Variants in DVL1 observed in about 807,000 individuals in gnomAD.
DVL1 encodes dishevelled segment polarity protein 1.
A neutral mutation model predicts 65.0 loss-of-function variants in DVL1; 49 were observed. The observed-to-expected ratio is 0.75, with a 90% CI of 0.60 to 0.96. The LOEUF (loss-of-function observed/expected upper bound fraction) is 0.96, where lower values mean the gene tolerates loss of function less well. DVL1 is among the 40% of genes least tolerant of loss of function. The probability of loss-of-function intolerance (pLI) is 0.00; values close to 1 mark genes in which losing one functional copy is unlikely to be tolerated. For missense variants in DVL1, 1,197 were observed against 1,045.4 expected, an observed-to-expected ratio of 1.15 and a Z score of -2.00; for synonymous variants, 608 against 433.9, an observed-to-expected ratio of 1.40 and a Z score of -4.99.
chr1:1,337,240 G>A (rs1488277793), intron 14 of DVL1, among the ~76,000 whole-genome samples: 5 of 152,232 alleles, frequency 3.3e-5, no homozygotes, highest in East Asian at 1.9e-4. Context: ...CCCTCTGGCC[G>A]CCTCTCCTCT....
Position 1,335,986 on chromosome 1 carries a change from G to A in DVL1, c.*156C>T. The A allele has an allele frequency of 9.9e-7, 1 of 1,007,216 alleles. No homozygotes were observed. The highest frequency in any genetic ancestry group is 2.8e-4 in the Middle Eastern group (1 of 3,556). The allele number at this position is 1,007,216 out of a possible 1,614,324, so 62.4% of individuals were successfully genotyped here. A position where few individuals can be genotyped will look rare whatever the true frequency, so the allele number is the denominator to read the frequency against. ...TCAGACACAGGTGCTGTCAGGAGCT[G>A]GAGCAGCCAGGCTGCCAGGGCAGAT... On this transcript the variant is annotated 3_prime_UTR_variant, in exon 15 of 15. Transcript: ENST00000378888.
At position 1,336,394 on chromosome 1, in the gene DVL1, C is replaced by A. The variant is rs997739969; in HGVS notation, c.1836G>T (p.Val612=). ...SESDHTAPSG[V]GSSWRERPAG... ...CCGGACGCTCTCGCCAGCTGCTCCC[C>A]ACCCCACTCGGTGCCGTGTGATCCG... Residue 612 remains valine, a synonymous_variant, in exon 15 of 15, where the codon GTG becomes GTT. Transcript: ENST00000378888. 2 of 1,599,232 alleles carry A rather than the reference C, an allele frequency of 1.3e-6. No individual in the cohort carries two copies. Among genetic ancestry groups the A allele is most frequent in the Non-Finnish European group, 1.7e-6 (2 of 1,178,542 alleles).
In DVL1 at chr1:1,337,969, G is replaced by C. The variant is rs370632814; in HGVS notation, c.1714+8C>G. On this transcript the variant is annotated splice_region_variant and intron_variant, in intron 14 of 14. Coordinates refer to ENST00000378888, the MANE Select transcript of DVL1 (RefSeq NM_001330311.2). The stretch of plus-strand genomic sequence containing the variant: ...CCGGGGAAGGGCAGGTAGGGGCGGC[G>C]TTCTCACCTTCACTCTGCTGACTCC... The C allele has an allele frequency of 1.1e-4, 180 of 1,609,904 alleles. 1 individual carries two copies. The African/African-American group carries it at 1.9e-3, about 17-fold the overall frequency.
In DVL1 at chr1:1,341,700, A is replaced by G; in HGVS notation, c.572T>C (p.Phe191Ser). Residue 191 changes from phenylalanine to serine, a missense_variant, in exon 5 of 15, where the codon TTT (phenylalanine) becomes TCT (serine). Phe to Ser is a radical substitution (Grantham distance 155). Coordinates refer to ENST00000378888, the MANE Select transcript of DVL1 (RefSeq NM_001330311.2). ...ALSSELESSS[F>S]VDSDEDGSTS... ...GCTGCCATCCTCGTCCGAGTCCACAAAGCTGCTGGACTCAAGCTCGCTGCT... is the reference window on the plus strand; with the variant it reads ...GCTGCCATCCTCGTCCGAGTCCACAGAGCTGCTGGACTCAAGCTCGCTGCT... 6.2e-7 allele frequency: 1 copy of G among 1,610,794 alleles called. No individual in the cohort carries two copies. The highest frequency in any genetic ancestry group is 8.5e-7 in the Non-Finnish European group (1 of 1,178,216).
chr1:1,348,999 C>T lies in DVL1; in HGVS notation c.67G>A (p.Val23Met). ...EETPYLVKLP[V>M]APERVTLADF... Reference sequence around the variant, plus strand: ...GCCAGCGTGACGCGCTCGGGGGCCACGGGCAGCTTGACCAGGTACGGCGTC... The same window carrying T: ...GCCAGCGTGACGCGCTCGGGGGCCATGGGCAGCTTGACCAGGTACGGCGTC... The change falls in exon 1 of 15, where the codon GTG becomes ATG. Residue 23 changes from valine (V) to methionine (M), a missense_variant. Physicochemically the swap from Val to Met is conservative, Grantham distance 21. Transcript: ENST00000378888. 1 of 1,576,826 alleles carries T rather than the reference C, an allele frequency of 6.3e-7. No individual in the cohort carries two copies. Among genetic ancestry groups the T allele is most frequent in the East Asian group, 2.4e-5 (1 of 41,156 alleles).
rs1250264130 is a variant in DVL1, at chr1:1,340,106, C to T, written c.841G>A (p.Gly281Ser). Reference protein sequence around the residue: ...NDRGDGGIYIGSIMKGGAVAA... With the variant: ...NDRGDGGIYISSIMKGGAVAA... ...ACAGCCCCGCCCTTCATGATGGAGC[C>T]AATGTAGATGCCGCCGTCTCCACGG... Residue 281 changes from glycine to serine, a missense_variant, in exon 8 of 15, where the codon GGC (glycine) becomes AGC (serine). Coordinates refer to ENST00000378888, the MANE Select transcript of DVL1 (RefSeq NM_001330311.2). 1.9e-6 allele frequency: 3 copies of T among 1,613,372 alleles called. No individual in the cohort carries two copies. The African/African-American group carries it at 4.0e-5, about 22-fold the overall frequency.
At chr1:1,348,619 C>T (rs2100779653) in intron 1 of DVL1, among the ~76,000 whole-genome samples, 1 of 152,288 alleles carries the variant, frequency 6.6e-6, no homozygotes, top group Non-Finnish European at 1.5e-5. Flanking sequence ...AGCGATGCGG[C>T]CGACCGAGTC....
intron 1 of DVL1, among the ~76,000 whole-genome samples, chr1:1,348,297 G>A (rs1401264172): frequency 6.6e-6 from 1 of 152,176 alleles, no homozygotes; most frequent in African/African-American, 2.4e-5. Flanking sequence ...GCTGCTCCGG[G>A]AACGCAAGTG....
At position 1,348,907 on chromosome 1, in the gene DVL1, G is replaced by C. The variant is rs764979748; in HGVS notation, c.159C>G (p.Asp53Glu). The change falls in exon 1 of 15, where the codon GAC becomes GAG. Residue 53 changes from aspartate to glutamate, a missense_variant. Transcript: ENST00000378888. ...CGCGGCCGACTGACCCGAAGTCCTG[G>C]TCCATGGACTTAAAGAAGAATTTGT... ...HAYKFFFKSM[D>E]QDFGVVKEEI... The C allele has an allele frequency of 3.8e-6, 6 of 1,564,106 alleles. No individual in the cohort carries two copies. In the Admixed American group the frequency reaches 5.2e-5, roughly 14 times the overall value.
In DVL1 at chr1:1,340,320, T is replaced by C. The variant is rs570735296; in HGVS notation, c.700-4A>G. ...TTATGCTGCTGAAGGAGGAGGCCTA[T>C]GGAGGAGAGGGGGCGTGTGTAAAAG... On this transcript the variant is annotated splice_region_variant and splice_polypyrimidine_tract_variant and intron_variant, in intron 6 of 14. Transcript: ENST00000378888. 1.2e-6 allele frequency: 2 copies of C among 1,613,914 alleles called. No homozygotes were observed. The highest frequency in any genetic ancestry group is 2.2e-5 in the East Asian group (1 of 44,870).
At position 1,349,213 on chromosome 1, in the gene DVL1, C is replaced by T; in HGVS notation, c.-148G>A. The stretch of plus-strand genomic sequence containing the variant: ...AGGCCCCCGGGCGCCCCCGCCCGAC[C>T]GCCCAGGCCCCGGCCGCCGCCCCCG... On this transcript the variant is annotated 5_prime_UTR_variant, in exon 1 of 15. Transcript: ENST00000378888. The surrounding 1 kb of genome is among the most constrained non-coding windows in gnomAD (Gnocchi z 4.1). The T allele has an allele frequency of 3.0e-6, 1 of 337,040 alleles. No individual in the cohort carries two copies. The highest frequency in any genetic ancestry group is 4.2e-6 in the Non-Finnish European group (1 of 240,446). 20.9% of individuals were successfully genotyped at this position (337,040 alleles called of 1,614,324 possible). A position where few individuals can be genotyped will look rare whatever the true frequency, so the allele number is the denominator to read the frequency against.
chr1:1,336,076 C>G lies in DVL1; in HGVS notation c.*66G>C. 1 of 1,531,356 alleles carries G rather than the reference C, an allele frequency of 6.5e-7. No homozygotes were observed. The highest frequency in any genetic ancestry group is 8.7e-7 in the Non-Finnish European group (1 of 1,143,472). 94.9% of individuals were successfully genotyped at this position (1,531,356 alleles called of 1,614,324 possible). On this transcript the variant is annotated 3_prime_UTR_variant, in exon 15 of 15. Coordinates refer to ENST00000378888, the MANE Select transcript of DVL1 (RefSeq NM_001330311.2). ...TGGCCCCCACGAAGGCAAGCCCACG[C>G]GAGCTCTGCATGCGGCAGGACCGCC...
At chr1:1,339,965 G>A in intron 8 of DVL1, 73 bp downstream of exon 8, 1 of 1,554,240 alleles carries the variant, frequency 6.4e-7, no homozygotes, top group Non-Finnish European at 8.7e-7. Flanking sequence ...CCCACCCGCA[G>A]CCGCACGTCA....
intron 1 of DVL1, among the ~76,000 whole-genome samples, chr1:1,346,669 T>G (rs891777478): frequency 6.6e-6 from 1 of 152,164 alleles, no homozygotes; most frequent in Non-Finnish European, 1.5e-5. Flanking sequence ...TGACACAGGC[T>G]CCCTGCACTG....
At chr1:1,340,342 A>G (rs780675989) in intron 6 of DVL1, 26 bp from the exon 7 acceptor site, 29 of 1,613,714 alleles carry the variant, frequency 1.8e-5, no homozygotes, top group Non-Finnish European at 2.0e-5. Context: ...GGCGTGTGTA[A>G]AAGGCACGGG....
intron 11 of DVL1, 47 bp from the exon 12 acceptor site, chr1:1,338,700 G>A (rs1269746823): frequency 1.3e-6 from 2 of 1,585,592 alleles, no homozygotes; most frequent in African/African-American, 1.3e-5. Flanking sequence ...TCTGAAGGCG[G>A]GGGACTCAGG....
Position 1,340,149 on chromosome 1 carries a change from G to T in DVL1, c.798C>A (p.Ile266=). 1.2e-6 allele frequency: 2 copies of T among 1,613,664 alleles called. No homozygotes were observed. The highest frequency in any genetic ancestry group is 1.7e-6 in the Non-Finnish European group (2 of 1,179,962). The change falls in exon 8 of 15, where the codon ATC becomes ATA. Residue 266 remains isoleucine, a synonymous_variant. Transcript: ENST00000378888. ...MERHHFLGIS[I]VGQSNDRGDG... is the part of the protein sequence containing the mutation. ...CTCCACGGTCGTTGCTCTGCCCCAC[G>T]ATGCTGATGCCCAGAAAGTGATGTC...
chr1:1,349,191 C>A lies in DVL1; in HGVS notation c.-126G>T. On this transcript the variant is annotated 5_prime_UTR_variant, in exon 1 of 15. Transcript: ENST00000378888. The surrounding 1 kb of genome is among the most constrained non-coding windows in gnomAD (Gnocchi z 4.1). ...CGCTCTCGGCCCCGACGCTCCGAGG[C>A]CCCCGGGCGCCCCCGCCCGACCGCC... 2.1e-6 allele frequency: 1 copy of A among 479,600 alleles called. No homozygotes were observed. Among genetic ancestry groups the A allele is most frequent in the Non-Finnish European group, 2.7e-6 (1 of 371,086 alleles). 29.7% of individuals were successfully genotyped at this position (479,600 alleles called of 1,614,324 possible). A position where few individuals can be genotyped will look rare whatever the true frequency, so the allele number is the denominator to read the frequency against.
intron 1 of DVL1, among the ~76,000 whole-genome samples, chr1:1,345,262 C>T (rs1428247272): frequency 6.6e-6 from 1 of 152,196 alleles, no homozygotes; most frequent in African/African-American, 2.4e-5. Context: ...TTCAGCCCAA[C>T]AGGGTGTAAC....
Sources: gnomAD v4.1 joint callset for allele counts (sites outside exome capture counted in the v4.1 genomes callset) on GRCh38, gnomAD v4.1.1 for gene constraint, Gnocchi (gnomAD v3.1) non-coding constraint, MANE v1.5 for transcripts, NCBI Gene and HGNC (gene_info 2026-07-23, HGNC 2026-07-21) for gene names.